AMMECR1: variants seen among roughly 807,000 people sequenced by gnomAD.
AMMECR1 encodes nuclear protein AMMECR1.
A neutral mutation model predicts 22.5 loss-of-function variants in AMMECR1; 3 were observed. The observed-to-expected ratio is 0.13, with a 90% CI of 0.06 to 0.35. The LOEUF is 0.35. Ranked by LOEUF, AMMECR1 falls within the 10% of genes least tolerant of loss-of-function variation. AMMECR1 has a pLI of 1.00. For missense variants in AMMECR1, 235 were observed against 278.7 expected (o/e 0.84, Z 1.12); for synonymous variants, 130 against 116.7 (o/e 1.11, Z -0.74).
intron 2 of AMMECR1, among the ~76,000 whole-genome samples, chrX:110,225,832 T>C (rs778637104): frequency 4.5e-5 from 5 of 111,684 alleles, no homozygotes; most frequent in Non-Finnish European, 7.5e-5. Flanking sequence ...AGAATGTGCA[T>C]GCCACCATGA....
At chrX:110,240,873 A>C (rs1232868662) in intron 2 of AMMECR1, among the ~76,000 whole-genome samples, 1 of 112,332 alleles carries the variant, frequency 8.9e-6, no homozygotes, top group African/African-American at 3.2e-5. Flanking sequence ...CATAACAAAC[A>C]GTCTCTCCAA....
intron 2 of AMMECR1, among the ~76,000 whole-genome samples, chrX:110,388,161 A>G (rs56975283): frequency 0.17 from 18,629 of 111,346 alleles, 2,835 homozygotes; most frequent in African/African-American, 0.49. Flanking sequence ...GCCACCGCCC[A>G]GCCTGATCAT....
At chrX:110,403,412 C>T (rs185052077) in intron 2 of AMMECR1, among the ~76,000 whole-genome samples, 12 of 112,341 alleles carry the variant, frequency 1.1e-4, no homozygotes, top group African/African-American at 3.9e-4. Context: ...CAGCAAGGAG[C>T]TTCCTCCTGC....
intron 2 of AMMECR1, among the ~76,000 whole-genome samples, chrX:110,364,287 G>A (rs2068282828): frequency 9.0e-6 from 1 of 111,578 alleles, no homozygotes; most frequent in South Asian, 3.8e-4. Flanking sequence ...ATCTCATGTA[G>A]ACATCCTTAT....
chrX:110,332,000 T>C (rs1388627541), intron 2 of AMMECR1, among the ~76,000 whole-genome samples: 1 of 111,808 alleles, frequency 8.9e-6, no homozygotes, highest in Non-Finnish European at 1.9e-5. Flanking sequence ...AGTCCTAAAT[T>C]AAATATTGCC....
intron 2 of AMMECR1, among the ~76,000 whole-genome samples, chrX:110,247,101 C>T (rs939908529): frequency 4.4e-5 from 5 of 112,576 alleles, no homozygotes; most frequent in Non-Finnish European, 9.4e-5. Flanking sequence ...GCATCTACAG[C>T]TCTTTGCTGG....
intron 2 of AMMECR1, among the ~76,000 whole-genome samples, chrX:110,325,035 A>G (rs1294095069): frequency 1.8e-5 from 2 of 111,252 alleles, no homozygotes; most frequent in South Asian, 3.7e-4. Context: ...GTTTCCTTCT[A>G]TTTTTTGGAA....
At chrX:110,297,544 T>C (rs1489875208) in intron 1 of AMMECR1, among the ~76,000 whole-genome samples, 1 of 111,651 alleles carries the variant, frequency 9.0e-6, no homozygotes. Context: ...GAAAGGTTGA[T>C]TGGATTAGGG....
chrX:110,357,977 C>T (rs1280659555), intron 2 of AMMECR1, among the ~76,000 whole-genome samples: 1 of 111,281 alleles, frequency 9.0e-6, no homozygotes, highest in African/African-American at 3.3e-5. Flanking sequence ...CCCCATTGGA[C>T]ATTTGTTTCA....
rs187849356 is a variant in AMMECR1 at position 110,415,262 on chromosome X, T to C, written c.-148+11396A>G. Among the ~76,000 whole-genome samples, 34 of 112,430 alleles carry C rather than the reference T, an allele frequency of 3.0e-4. 3 individuals carry two copies. The East Asian group carries it at 9.2e-3, about 30-fold the overall frequency. The stretch of plus-strand genomic sequence containing the variant: ...AGAAAAAGCTCTCACTTGGAAAGTT[T>C]AGTGACATGAGCTGTATGGTATCTG... On this transcript the variant is annotated intron_variant, in intron 2 of 7. Transcript: ENST00000372057.
chrX:110,355,122 A>G (rs748896925), intron 2 of AMMECR1, among the ~76,000 whole-genome samples: 2 of 112,742 alleles, frequency 1.8e-5, no homozygotes, highest in African/African-American at 3.2e-5. Context: ...GCTAATATCC[A>G]AAATACATAA....
chrX:110,391,800 C>T (rs761496985), intron 2 of AMMECR1, among the ~76,000 whole-genome samples: 1 of 112,428 alleles, frequency 8.9e-6, no homozygotes, highest in East Asian at 2.8e-4. Context: ...TTGGACCGAA[C>T]AGCATAGTCG....
chrX:110,292,524 T>G (rs1166014299), intron 1 of AMMECR1, among the ~76,000 whole-genome samples: 1 of 112,225 alleles, frequency 8.9e-6, no homozygotes, highest in Admixed American at 9.5e-5. Context: ...GGAATATTAC[T>G]CAGCACTAAA....
At chrX:110,358,185 T>C (rs1035544776) in intron 2 of AMMECR1, among the ~76,000 whole-genome samples, 2 of 111,949 alleles carry the variant, frequency 1.8e-5, no homozygotes. Context: ...AGTTGCGGGT[T>C]CTTTCTCTGT....
At chrX:110,222,616 T>A (rs1602791998) in intron 2 of AMMECR1, among the ~76,000 whole-genome samples, 1 of 96,602 alleles carries the variant, frequency 1.0e-5, no homozygotes, top group Non-Finnish European at 2.1e-5. Context: ...TATTATCCAA[T>A]TCTGGAAAAA....
intron 2 of AMMECR1, among the ~76,000 whole-genome samples, chrX:110,224,793 A>G (rs1385084092): frequency 2.7e-5 from 3 of 111,469 alleles, no homozygotes; most frequent in African/African-American, 9.8e-5. Context: ...TTCATACTAT[A>G]GCAAAATCCT....
intron 2 of AMMECR1, among the ~76,000 whole-genome samples, chrX:110,239,472 A>C (rs1412345018): frequency 1.8e-5 from 2 of 111,479 alleles, no homozygotes. Context: ...AACTTAATGA[A>C]GTAAAGCATG....
At chrX:110,405,724 C>T (rs1044338477) in intron 2 of AMMECR1, among the ~76,000 whole-genome samples, 1 of 111,404 alleles carries the variant, frequency 9.0e-6, no homozygotes. Context: ...TGCTATTACC[C>T]TCAATTTCCA....
chrX:110,380,199 A>C (rs974583478), intron 2 of AMMECR1, among the ~76,000 whole-genome samples: 2 of 111,936 alleles, frequency 1.8e-5, no homozygotes, highest in African/African-American at 6.5e-5. Flanking sequence ...GTAGGAATTA[A>C]GGTTGCAAAA....
Sources: allele counts gnomAD v4.1 joint callset (sites outside exome capture counted in the v4.1 genomes callset), GRCh38; gene constraint gnomAD v4.1.1; transcripts MANE v1.5; gene names NCBI Gene and HGNC (gene_info 2026-07-23, HGNC 2026-07-21).